Variants in FARP1 observed in about 807,000 individuals in gnomAD.
FARP1 encodes the protein FERM, ARHGEF and pleckstrin domain-containing protein 1.
A neutral mutation model predicts 128.8 loss-of-function variants in FARP1; 52 were observed. The ratio of observed to expected loss-of-function variants is 0.40; its 90% CI spans 0.32 to 0.51. The LOEUF (loss-of-function observed/expected upper bound fraction) is 0.51, where lower values mean the gene tolerates loss of function less well. FARP1 is among the 20% of genes least tolerant of loss of function. FARP1 has a pLI of 0.45. For missense variants in FARP1, 1,333 were observed against 1,367.9 expected (o/e 0.97, Z 0.40); for synonymous variants, 580 against 551.8 (o/e 1.05, Z -0.72).
intron 1 of FARP1, among the ~76,000 whole-genome samples, chr13:98,147,077 G>C (rs1010524071): frequency 3.3e-5 from 5 of 152,148 alleles, no homozygotes; most frequent in African/African-American, 1.2e-4. Context: ...TGCAGCCTTT[G>C]TTTTCAATCA....
chr13:98,298,075 C>T (rs1885774586), intron 2 of FARP1, among the ~76,000 whole-genome samples: 1 of 152,192 alleles, frequency 6.6e-6, no homozygotes, highest in Non-Finnish European at 1.5e-5. Flanking sequence ...ATTTCCATGT[C>T]AGGCTGTGTA....
At chr13:98,311,147 T>C (rs1429481727) in intron 2 of FARP1, among the ~76,000 whole-genome samples, 2 of 152,250 alleles carry the variant, frequency 1.3e-5, no homozygotes, top group Non-Finnish European at 2.9e-5. Flanking sequence ...GATTGAACTT[T>C]CACTGTGGCC....
intron 1 of FARP1, among the ~76,000 whole-genome samples, chr13:98,146,233 GA>G (rs200974285): frequency 4.5e-5 from 4 of 88,424 alleles, no homozygotes; most frequent in Admixed American, 4.5e-4. Flanking sequence ...GTACTTGCCT[GA>G]TTTTTTTTTT....
chr13:98,196,673 A>G (rs1004479468), intron 1 of FARP1, among the ~76,000 whole-genome samples: 6 of 152,212 alleles, frequency 3.9e-5, no homozygotes, highest in African/African-American at 1.2e-4. Flanking sequence ...TCTCTTTGTC[A>G]TGCTGCAGAA....
intron 17 of FARP1, among the ~76,000 whole-genome samples, chr13:98,427,434 T>C (rs1891831159): frequency 6.6e-6 from 1 of 152,230 alleles, no homozygotes; most frequent in Admixed American, 6.5e-5. Context: ...TTTCTCCCTG[T>C]GTTCTTCAAT....
At chr13:98,317,619 A>C (rs1886778168) in intron 2 of FARP1, among the ~76,000 whole-genome samples, 1 of 148,908 alleles carries the variant, frequency 6.7e-6, no homozygotes, top group Admixed American at 6.8e-5. Flanking sequence ...TTGAGTTTTT[A>C]ATTGATTCCC....
rs902504973 is a variant in FARP1 at position 98,143,185 on chromosome 13, C to T, written c.-331C>T. ...CTGGGGCGCGGGGCGGGGACGCGGCCGCTGCCCGCTTTGCGCCGCTCCTCC... is the reference window on the plus strand; with the variant it reads ...CTGGGGCGCGGGGCGGGGACGCGGCTGCTGCCCGCTTTGCGCCGCTCCTCC... On this transcript the variant is annotated 5_prime_UTR_variant, in exon 1 of 27. Coordinates refer to ENST00000319562, the MANE Select transcript of FARP1 (RefSeq NM_005766.4). 6.8e-6 allele frequency: 1 copy of T among 148,106 alleles called. No homozygotes were observed. The highest frequency in any genetic ancestry group is 2.4e-5 in the African/African-American group (1 of 40,986). 9.2% of individuals were successfully genotyped at this position (148,106 alleles called of 1,614,324 possible).
rs1315620723 is a variant in FARP1, at chr13:98,452,316, G to T, written c.*3999G>T. 2 of 152,518 alleles carry T rather than the reference G, an allele frequency of 1.3e-5. No homozygotes were observed. 9.4% of individuals were successfully genotyped at this position (152,518 alleles called of 1,614,324 possible). A position where few individuals can be genotyped will look rare whatever the true frequency, so the allele number is the denominator to read the frequency against. On this transcript the variant is annotated 3_prime_UTR_variant, in exon 27 of 27. Coordinates refer to ENST00000319562, the MANE Select transcript of FARP1 (RefSeq NM_005766.4). ...GTGGCACGATTCCAAACAAATGTCA[G>T]ACGAGAGCGCTTCATGGGGAGAAAC...
In FARP1 at chr13:98,217,835, C is replaced by T. The variant is rs1265775819; in HGVS notation, c.171+4422C>T. Reference sequence around the variant, plus strand: ...TTCGTCATCATATCCTACGCCGCAGCGGTGCCTGTGCATGAAACTGACTGG... The same window carrying T: ...TTCGTCATCATATCCTACGCCGCAGTGGTGCCTGTGCATGAAACTGACTGG... On this transcript the variant is annotated intron_variant, in intron 2 of 26. Transcript: ENST00000319562. Among the ~76,000 whole-genome samples the T allele has an allele frequency of 3.9e-5, 6 of 152,196 alleles. No individual in the cohort carries two copies. In the East Asian group the frequency reaches 7.7e-4, roughly 20 times the overall value.
chr13:98,435,780 C>G, intron 19 of FARP1, 74 bp downstream of exon 19: 1 of 1,515,686 alleles, frequency 6.6e-7, no homozygotes, highest in Non-Finnish European at 9.2e-7. Context: ...ACATTTGAAC[C>G]TTTTGAAGAG....
At position 98,450,496 on chromosome 13, in the gene FARP1, G is replaced by GC. The variant is rs2139209727; in HGVS notation, c.*2181dup. ...GAAAATCAGAACCCAGCAAGAAGTG[G>GC]CCAGTGCACCCCAAACCACACTGGT... On this transcript the variant is annotated 3_prime_UTR_variant, in exon 27 of 27. Transcript: ENST00000319562. The GC allele has an allele frequency of 6.6e-6, 1 of 152,364 alleles. No homozygotes were observed. Among genetic ancestry groups the GC allele is most frequent in the South Asian group, 2.1e-4 (1 of 4,818 alleles). 9.4% of individuals were successfully genotyped at this position (152,364 alleles called of 1,614,324 possible).
intron 16 of FARP1, among the ~76,000 whole-genome samples, chr13:98,416,279 G>T (rs1891373299): frequency 6.6e-6 from 1 of 152,194 alleles, no homozygotes. Flanking sequence ...AGTATAATAT[G>T]CAGCAAAAGT....
intron 1 of FARP1, 83 bp from the exon 2 acceptor site, chr13:98,213,137 C>T: frequency 1.7e-6 from 2 of 1,158,496 alleles, no homozygotes; most frequent in Non-Finnish European, 2.4e-6. Context: ...CCCCTGCCCA[C>T]CTGGGTGGGG....
intron 11 of FARP1, 130 bp downstream of exon 11, chr13:98,391,010 CAGTCATCCTCAGCAAGTCCAG>C: frequency 3.0e-6 from 2 of 672,914 alleles, no homozygotes; most frequent in Non-Finnish European, 5.3e-6. Context: ...ATGATAGTCT[CAGTCATCCTCAGCAAGTCCAG>C]TGTTAGAGAG....
chr13:98,446,524 G>A (rs1892846233), intron 25 of FARP1, 142 bp from the exon 26 acceptor site: 1 of 820,164 alleles, frequency 1.2e-6, no homozygotes, highest in Admixed American at 2.4e-5. Context: ...GGCAAACACT[G>A]GCTGCCATGG....
chr13:98,256,965 AT>A (rs1883642010), intron 2 of FARP1, among the ~76,000 whole-genome samples: 1 of 127,300 alleles, frequency 7.9e-6, no homozygotes, highest in East Asian at 2.2e-4. Flanking sequence ...ATATATATAT[AT>A]ATATATATAT....
intron 13 of FARP1, chr13:98,400,589 A>C (rs1410900801): frequency 6.6e-6 from 1 of 152,236 alleles, no homozygotes. Context: ...TCCCTTAACT[A>C]TCAGGTTTAT....
chr13:98,178,189 A>ATTTTTTTTTT (rs57310501), intron 1 of FARP1, among the ~76,000 whole-genome samples: 1 of 112,990 alleles, frequency 8.9e-6, no homozygotes, highest in African/African-American at 3.3e-5. Context: ...ATCATTTTTA[A>ATTTTTTTTTT]TTTTTTTTTT....
chr13:98,447,106 A>G, intron 26 of FARP1: 1 of 355,158 alleles, frequency 2.8e-6, no homozygotes, highest in Non-Finnish European at 5.3e-6. Flanking sequence ...GCTAAGCCCC[A>G]GTGAGACTGC....
Sources: gnomAD v4.1 joint callset for allele counts (sites outside exome capture counted in the v4.1 genomes callset) on GRCh38, gnomAD v4.1.1 for gene constraint, MANE v1.5 for transcripts, NCBI Gene and HGNC (gene_info 2026-07-23, HGNC 2026-07-21) for gene names.